The following ESRRG variants were observed in gnomAD, a reference collection of about 807,000 sequenced individuals.
ESRRG encodes the protein estrogen-related receptor gamma.
In ESRRG, 13 loss-of-function variants were observed where a neutral mutation model predicts 44.0. That is an observed-to-expected ratio of 0.30 (90% confidence interval 0.19 to 0.47). ESRRG has a LOEUF of 0.47. ESRRG is among the 20% of genes least tolerant of loss of function. The probability of loss-of-function intolerance (pLI) is 1.00; values close to 1 mark genes in which losing one functional copy is unlikely to be tolerated. For missense variants in ESRRG, 395 were observed against 580.6 expected, an observed-to-expected ratio of 0.68 and a Z score of 3.29; for synonymous variants, 215 against 214.6, an observed-to-expected ratio of 1.00 and a Z score of -0.02.
intron 2 of ESRRG, among the ~76,000 whole-genome samples, chr1:216,828,299 T>G (rs947443106): frequency 6.6e-6 from 1 of 152,198 alleles, no homozygotes; most frequent in Admixed American, 6.5e-5. Context: ...TGTTTTTGTT[T>G]GGTTGGTTTG....
intron 2 of ESRRG, among the ~76,000 whole-genome samples, chr1:216,838,400 T>C (rs1454735090): frequency 2.0e-5 from 3 of 152,204 alleles, no homozygotes; most frequent in African/African-American, 7.2e-5. Flanking sequence ...TTGTCATTTT[T>C]CCCTGGTTTT....
chr1:216,632,510 CTGACA>C (rs1340560382), intron 3 of ESRRG, among the ~76,000 whole-genome samples: 1 of 152,040 alleles, frequency 6.6e-6, no homozygotes, highest in African/African-American at 2.4e-5. Context: ...AGATACAAAG[CTGACA>C]TGACTAGAAT....
intron 1 of ESRRG, among the ~76,000 whole-genome samples, chr1:216,713,701 T>C (rs1367771132): frequency 6.6e-6 from 1 of 152,190 alleles, no homozygotes; most frequent in Non-Finnish European, 1.5e-5. Flanking sequence ...TGTAATTTCA[T>C]CAAGGTAATA....
At position 216,677,502 on chromosome 1, in the gene ESRRG, G is replaced by C. The variant is rs963686071; in HGVS notation, c.57-11C>G. 2 of 1,590,536 alleles carry C rather than the reference G, an allele frequency of 1.3e-6. No homozygotes were observed. Among genetic ancestry groups the C allele is most frequent in the Non-Finnish European group, 1.7e-6 (2 of 1,166,414 alleles). On this transcript the variant is annotated splice_polypyrimidine_tract_variant and intron_variant, in intron 1 of 6. Transcript: ENST00000408911. ...ATTCTGCAGAGAAGCCTGAGATTGA[G>C]GAGATACAAAGAGAGACAGAAAGAG...
At chr1:216,516,717 C>G (rs754721624) in intron 6 of ESRRG, among the ~76,000 whole-genome samples, 3 of 146,214 alleles carry the variant, frequency 2.1e-5, no homozygotes, top group Non-Finnish European at 3.0e-5. Flanking sequence ...TTTAGGGTGT[C>G]TAAAGTATTA....
At chr1:216,762,768 G>A (rs1438996362) in intron 2 of ESRRG, among the ~76,000 whole-genome samples, 1 of 151,572 alleles carries the variant, frequency 6.6e-6, no homozygotes, top group Non-Finnish European at 1.5e-5. Flanking sequence ...AGATAGGCTA[G>A]GGAGCATTTT....
chr1:216,809,367 A>G (rs1037549321), intron 2 of ESRRG, among the ~76,000 whole-genome samples: 1 of 150,046 alleles, frequency 6.7e-6, no homozygotes, highest in Admixed American at 6.7e-5. Flanking sequence ...AACACCTCCA[A>G]TTGTCATCAT....
intron 2 of ESRRG, among the ~76,000 whole-genome samples, chr1:216,902,411 C>A (rs1191748972): frequency 6.6e-6 from 1 of 151,800 alleles, no homozygotes; most frequent in African/African-American, 2.4e-5. Context: ...ATCCCTTGAA[C>A]CCAGGAGGCA....
rs567071344 is a variant in ESRRG at position 216,777,112 on chromosome 1, C to T, written c.-13-99621G>A. Among the ~76,000 whole-genome samples the T allele has an allele frequency of 2.2e-4, 34 of 152,268 alleles. No individual in the cohort carries two copies. In the South Asian group the frequency reaches 6.4e-3, roughly 29 times the overall value. On this transcript the variant is annotated intron_variant, in intron 2 of 7. Coordinates refer to the ESRRG transcript ENST00000359162. ...GGAAGGGCATAATTCACAGATGGGG[C>T]TTGCCTACCCAGGCTGTAGTCAGCA...
intron 5 of ESRRG, among the ~76,000 whole-genome samples, chr1:216,529,810 T>A (rs2048750146): frequency 6.6e-6 from 1 of 152,048 alleles, no homozygotes; most frequent in Non-Finnish European, 1.5e-5. Flanking sequence ...TAAAAGAAAT[T>A]TATAATTAGT....
chr1:216,658,635 A>G (rs533721841), intron 2 of ESRRG, among the ~76,000 whole-genome samples: 6 of 148,572 alleles, frequency 4.0e-5, no homozygotes, highest in Non-Finnish European at 7.4e-5. Context: ...AGCCTGGCCA[A>G]CATGGCGAAA....
intron 2 of ESRRG, among the ~76,000 whole-genome samples, chr1:216,794,805 C>A (rs933288367): frequency 1.3e-5 from 2 of 152,154 alleles, no homozygotes; most frequent in Non-Finnish European, 2.9e-5. Flanking sequence ...AAAAGGACAG[C>A]CTTTCACTGG....
Position 216,863,275 on chromosome 1 carries a change from A to G in ESRRG, c.-14+76307T>C, listed in dbSNP as rs2813689. ...CACTGATATATATGAGAATAGGACA[A>G]TGTAGAATAAAGGGCCAATTTAGAA... On this transcript the variant is annotated intron_variant, in intron 2 of 7. Coordinates refer to the ESRRG transcript ENST00000359162. 327 of 145,106 alleles carry G rather than the reference A, an allele frequency of 2.3e-3. 4 individuals are homozygous for G. The highest frequency in any genetic ancestry group is 8.0e-3 in the African/African-American group (318 of 39,876). 9.0% of individuals were successfully genotyped at this position (145,106 alleles called of 1,614,324 possible).
rs147787305 is a variant in ESRRG, at chr1:217,088,256, T to C, written c.-106+1251A>G. ...AAACTAGACCAAGTCATTCAGCTGCTCTGAAACATACTTCACAACATCCGC... is the reference window on the plus strand; with the variant it reads ...AAACTAGACCAAGTCATTCAGCTGCCCTGAAACATACTTCACAACATCCGC... On this transcript the variant is annotated intron_variant, in intron 1 of 7. Coordinates refer to the ESRRG transcript ENST00000359162. Among the ~76,000 whole-genome samples, 332 of 152,262 alleles carry C rather than the reference T, an allele frequency of 2.2e-3. 2 individuals are homozygous for C. Among genetic ancestry groups the C allele is most frequent in the African/African-American group, 7.6e-3 (315 of 41,562 alleles).
At chr1:217,048,114 G>A (rs1240333273) in intron 1 of ESRRG, among the ~76,000 whole-genome samples, 2 of 152,130 alleles carry the variant, frequency 1.3e-5, no homozygotes, top group African/African-American at 4.8e-5. Flanking sequence ...AGAGGTGAAG[G>A]GAAACACAAG....
intron 3 of ESRRG, among the ~76,000 whole-genome samples, chr1:216,639,119 G>A (rs1382720900): frequency 2.6e-5 from 4 of 152,152 alleles, no homozygotes; most frequent in African/African-American, 9.7e-5. Flanking sequence ...TAAGAGAGCA[G>A]AGAGGTGAAT....
chr1:216,754,158 C>T (rs1353168563), intron 2 of ESRRG, among the ~76,000 whole-genome samples: 33 of 151,970 alleles, frequency 2.2e-4, no homozygotes, highest in Admixed American at 2.2e-3. Context: ...AACAAAAACC[C>T]GAAACCTTCT....
chr1:216,569,459 T>G (rs779982331), intron 3 of ESRRG, among the ~76,000 whole-genome samples: 14 of 152,086 alleles, frequency 9.2e-5, no homozygotes, highest in Non-Finnish European at 1.9e-4. Flanking sequence ...AAGGGGATTT[T>G]CTGGCAGCGG....
chr1:217,071,475 A>G (rs761199104), intron 1 of ESRRG, among the ~76,000 whole-genome samples: 1 of 152,238 alleles, frequency 6.6e-6, no homozygotes, highest in Non-Finnish European at 1.5e-5. Flanking sequence ...AAGAGTAATG[A>G]GAGAATTATA....
Sources: allele counts gnomAD v4.1 joint callset (sites outside exome capture counted in the v4.1 genomes callset), GRCh38; gene constraint gnomAD v4.1.1; transcripts MANE v1.5; gene names NCBI Gene and HGNC (gene_info 2026-07-23, HGNC 2026-07-21).